Variants in PSMD7 observed in about 807,000 individuals in gnomAD.
PSMD7 encodes the protein 26S proteasome non-ATPase regulatory subunit 7.
Under a neutral mutation model 36.4 loss-of-function variants are expected in PSMD7, and 13 were observed. That is an observed-to-expected ratio of 0.36 (90% confidence interval 0.23 to 0.57). The LOEUF (loss-of-function observed/expected upper bound fraction) is 0.57. PSMD7 is among the 20% of genes least tolerant of loss of function. PSMD7 has a pLI of 0.83. For missense variants in PSMD7, 298 were observed against 393.6 expected (o/e 0.76, Z 2.06); for synonymous variants, 186 against 151.0 (o/e 1.23, Z -1.70).
At chr16:74,297,608 C>G in intron 1 of PSMD7, among the ~76,000 whole-genome samples, 1 of 152,190 alleles carries the variant, frequency 6.6e-6, no homozygotes, top group South Asian at 2.1e-4. Context: ...TTGGTTTCAC[C>G]GAAATATGGA....
At chr16:74,300,530 G>T in intron 2 of PSMD7, 1 of 360,862 alleles carries the variant, frequency 2.8e-6, no homozygotes, top group Admixed American at 4.0e-5. Flanking sequence ...GTCAGCCCCT[G>T]CACTAAACTG....
chr16:74,296,999 G>C lies in PSMD7; in HGVS notation c.74+11G>C, dbSNP rs907153170. 4 of 1,609,670 alleles carry C rather than the reference G, an allele frequency of 2.5e-6. No individual in the cohort carries two copies. In the African/African-American group the frequency reaches 5.3e-5, roughly 21 times the overall value. On this transcript the variant is annotated intron_variant, in intron 1 of 6. Transcript: ENST00000219313. ...GGATCATTTCAACCGGTGAGCGAGC[G>C]CCCTATAGCTGGGCCGGCGGCGCAG...
At chr16:74,301,462 A>G in intron 3 of PSMD7, 93 bp from the exon 4 acceptor site, 1 of 943,278 alleles carries the variant, frequency 1.1e-6, no homozygotes, top group South Asian at 1.5e-5. Flanking sequence ...CAAAGAGGTA[A>G]AGGACATAAC....
intron 4 of PSMD7, 75 bp from the exon 5 acceptor site, chr16:74,302,137 T>C: frequency 1.7e-6 from 2 of 1,166,696 alleles, no homozygotes; most frequent in Non-Finnish European, 1.3e-6. Context: ...CTTTAGTAAT[T>C]GTGAGAAGAA....
intron 2 of PSMD7, chr16:74,300,414 T>A: frequency 1.7e-6 from 1 of 578,136 alleles, no homozygotes; most frequent in Non-Finnish European, 3.1e-6. Context: ...CTGCACCTGC[T>A]CCTCTCTGCC....
At chr16:74,304,518 C>T in intron 6 of PSMD7, 124 bp downstream of exon 6, 1 of 722,682 alleles carries the variant, frequency 1.4e-6, no homozygotes, top group Non-Finnish European at 2.3e-6. Flanking sequence ...AACAAGTCTG[C>T]CATTCTGAGC....
At chr16:74,301,171 C>T (rs2034152285) in intron 3 of PSMD7, 27 bp downstream of exon 3, 4 of 1,514,196 alleles carry the variant, frequency 2.6e-6, no homozygotes, top group South Asian at 2.3e-5. Flanking sequence ...TAAGGTGTTA[C>T]AGCATAGAAT....
At chr16:74,300,375 T>C in intron 2 of PSMD7, 169 bp downstream of exon 2, 3 of 640,562 alleles carry the variant, frequency 4.7e-6, no homozygotes, top group Non-Finnish European at 8.1e-6. Flanking sequence ...ACAGTAAATA[T>C]TTTAAACTTG....
chr16:74,303,031 C>G (rs2034167437), intron 5 of PSMD7, among the ~76,000 whole-genome samples: 1 of 152,094 alleles, frequency 6.6e-6, no homozygotes, highest in Admixed American at 6.5e-5. Context: ...GTGAATTTTT[C>G]TCCTGCCTCT....
Position 74,296,831 on chromosome 16 carries a change from G to T in PSMD7, c.-84G>T. Reference sequence around the variant, plus strand: ...GACGAACCGGAAGAAGAGGAACTGGGCCTGAAAGGGTACCGGTGACCGCTA... The same window carrying T: ...GACGAACCGGAAGAAGAGGAACTGGTCCTGAAAGGGTACCGGTGACCGCTA... On this transcript the variant is annotated 5_prime_UTR_variant, in exon 1 of 7. Coordinates refer to ENST00000219313, the MANE Select transcript of PSMD7 (RefSeq NM_002811.5). The T allele has an allele frequency of 7.0e-7, 1 of 1,436,408 alleles. No homozygotes were observed. The highest frequency in any genetic ancestry group is 9.7e-7 in the Non-Finnish European group (1 of 1,032,768). 89.0% of individuals were successfully genotyped at this position (1,436,408 alleles called of 1,614,324 possible). A position where few individuals can be genotyped will look rare whatever the true frequency, so the allele number is the denominator to read the frequency against.
chr16:74,302,540 G>A (rs761061984), intron 5 of PSMD7, among the ~76,000 whole-genome samples: 2 of 152,124 alleles, frequency 1.3e-5, no homozygotes, highest in Non-Finnish European at 2.9e-5. Context: ...CCTAAGCCTA[G>A]GAGTTGAAGA....
rs1228407042 is a variant in PSMD7 at position 74,305,352 on chromosome 16, G to A, written c.594G>A (p.Leu198=). ...GGATCACAAACCAGGTCCATGGTTT[G>A]AAGGGACTGAACTCCAAGCTTCTGG... ...SQRITNQVHG[L]KGLNSKLLDI... Residue 198 remains leucine (L), a synonymous_variant, in exon 7 of 7, where the codon TTG becomes TTA. Transcript: ENST00000219313. 6 of 1,614,116 alleles carry A rather than the reference G, an allele frequency of 3.7e-6. No homozygotes were observed. Among genetic ancestry groups the A allele is most frequent in the South Asian group, 1.1e-5 (1 of 91,084 alleles).
chr16:74,299,801 G>C lies in PSMD7; in HGVS notation c.75-314G>C, dbSNP rs544296298. On this transcript the variant is annotated intron_variant, in intron 1 of 6. Coordinates refer to ENST00000219313, the MANE Select transcript of PSMD7 (RefSeq NM_002811.5). ...TTAAATGTGGTAGCAAAGCTTAAATGTGTTTTCAGACTAAGATCTGGGAAG... is the reference window on the plus strand; with the variant it reads ...TTAAATGTGGTAGCAAAGCTTAAATCTGTTTTCAGACTAAGATCTGGGAAG... 1.8e-5 allele frequency: 8 copies of C among 434,782 alleles called. No homozygotes were observed. In the Admixed American group the frequency reaches 1.9e-4, roughly 10 times the overall value. The allele number at this position is 434,782 out of a possible 1,614,324, so 26.9% of individuals were successfully genotyped here. A position where few individuals can be genotyped will look rare whatever the true frequency, so the allele number is the denominator to read the frequency against.
chr16:74,298,512 T>C (rs2034131758), intron 1 of PSMD7, among the ~76,000 whole-genome samples: 1 of 152,174 alleles, frequency 6.6e-6, no homozygotes, highest in Non-Finnish European at 1.5e-5. Context: ...ACTATTTTTC[T>C]CCCATGGGAT....
chr16:74,302,927 T>C (rs941752295), intron 5 of PSMD7, among the ~76,000 whole-genome samples: 5 of 152,238 alleles, frequency 3.3e-5, no homozygotes, highest in Non-Finnish European at 7.3e-5. Context: ...TCCTGGGGCT[T>C]TTCTCTTTGC....
intron 6 of PSMD7, 161 bp downstream of exon 6, chr16:74,304,555 G>C (rs1396248840): frequency 1.8e-6 from 1 of 545,338 alleles, no homozygotes; most frequent in Non-Finnish European, 3.3e-6. Context: ...CCAGACCTTT[G>C]TTTTATTGTC....
intron 1 of PSMD7, 79 bp from the exon 2 acceptor site, chr16:74,300,036 T>C (rs2142562315): frequency 8.1e-7 from 1 of 1,232,408 alleles, no homozygotes; most frequent in Non-Finnish European, 1.2e-6. Context: ...GCCATTGATA[T>C]TTCCCATTGA....
chr16:74,305,223 G>A (rs1025887131), intron 6 of PSMD7, 66 bp from the exon 7 acceptor site: 13 of 1,494,342 alleles, frequency 8.7e-6, no homozygotes, highest in Non-Finnish European at 1.2e-5. Context: ...TAGAATGTAA[G>A]AACTTGCCTG....
At position 74,296,889 on chromosome 16, in the gene PSMD7, A is replaced by T. The variant is rs1225117011; in HGVS notation, c.-26A>T. ...CGGTGTTTGCGTGTGGCAGGGAGCC[A>T]GGCCTGGCGAGCGGGGTGTGTCGCG... On this transcript the variant is annotated 5_prime_UTR_variant, in exon 1 of 7. Coordinates refer to ENST00000219313, the MANE Select transcript of PSMD7 (RefSeq NM_002811.5). 4.3e-6 allele frequency: 7 copies of T among 1,611,574 alleles called. No individual in the cohort carries two copies. The South Asian group carries it at 7.7e-5, about 18-fold the overall frequency.
Sources: gnomAD v4.1 joint callset for allele counts (sites outside exome capture counted in the v4.1 genomes callset) on GRCh38, gnomAD v4.1.1 for gene constraint, MANE v1.5 for transcripts, NCBI Gene and HGNC (gene_info 2026-07-23, HGNC 2026-07-21) for gene names.